PHF14: variants seen among roughly 807,000 people sequenced by gnomAD.
PHF14 encodes the protein PHD finger protein 14.
In PHF14, 55 loss-of-function variants were observed where a neutral mutation model predicts 117.9. That is an observed-to-expected ratio of 0.47 (90% CI 0.38 to 0.58). The LOEUF (loss-of-function observed/expected upper bound fraction) is 0.58. Among genes scored for constraint, PHF14 ranks in the 20% least tolerant of loss-of-function variants. PHF14 has a pLI of 0.00. For synonymous variants in PHF14, 409 were observed against 368.6 expected (o/e 1.11, Z -1.26); for missense variants, 978 against 1,122.2 (o/e 0.87, Z 1.84).
intron 17 of PHF14, among the ~76,000 whole-genome samples, chr7:11,133,643 ACT>A (rs1433647015): frequency 6.6e-6 from 1 of 151,676 alleles, no homozygotes. Flanking sequence ...CTAGCAAGAC[ACT>A]CTTTTTTCAA....
intron 17 of PHF14, among the ~76,000 whole-genome samples, chr7:11,159,632 G>A (rs1788966607): frequency 1.3e-5 from 2 of 151,976 alleles, no homozygotes; most frequent in Non-Finnish European, 1.5e-5. Flanking sequence ...TGGGTATCTT[G>A]GTTATAAGAT....
chr7:11,054,734 C>T (rs1185081796), intron 14 of PHF14, among the ~76,000 whole-genome samples: 1 of 151,932 alleles, frequency 6.6e-6, no homozygotes, highest in African/African-American at 2.4e-5. Flanking sequence ...TTTTTCTCTC[C>T]CATTGTTACA....
At chr7:10,977,661 G>T (rs923252482) in intron 2 of PHF14, among the ~76,000 whole-genome samples, 1 of 152,138 alleles carries the variant, frequency 6.6e-6, no homozygotes, top group Middle Eastern at 3.4e-3. Flanking sequence ...TCTCATTTTT[G>T]ATTGAAAGCA....
In PHF14 at chr7:10,990,789, TAGTG is replaced by T; in HGVS notation, c.990_993del (p.Ser330ArgfsTer6). Reference sequence around the variant, plus strand: ...TTTGCTGTGTTTGTCTGGGAGATAATAGTGAGGACGCTGATGAAATAATTCAGTG... The same window carrying T: ...TTTGCTGTGTTTGTCTGGGAGATAATAGGACGCTGATGAAATAATTCAGTG... On this transcript the variant is annotated frameshift_variant, in exon 4 of 18. Transcript: ENST00000634607. LOFTEE classifies it high-confidence loss of function. 6.3e-7 allele frequency: 1 copy of T among 1,587,014 alleles called. No homozygotes were observed. The highest frequency in any genetic ancestry group is 8.6e-7 in the Non-Finnish European group (1 of 1,164,116).
At chr7:11,016,599 G>A (rs904396195) in intron 5 of PHF14, among the ~76,000 whole-genome samples, 1 of 151,774 alleles carries the variant, frequency 6.6e-6, no homozygotes, top group African/African-American at 2.4e-5. Flanking sequence ...TTTATTTATA[G>A]TTTTACTATT....
At chr7:11,057,671 G>C (rs1389599558) in intron 14 of PHF14, among the ~76,000 whole-genome samples, 1 of 152,116 alleles carries the variant, frequency 6.6e-6, no homozygotes, top group African/African-American at 2.4e-5. Flanking sequence ...ACTGTTCCCG[G>C]CCTGAATAAA....
chr7:11,096,973 CTTTTTT>C (rs899756252), intron 16 of PHF14, among the ~76,000 whole-genome samples: 2 of 108,586 alleles, frequency 1.8e-5, no homozygotes, highest in Admixed American at 9.5e-5. Flanking sequence ...TAGACTAGAA[CTTTTTT>C]TTTTTTTTTT....
intron 17 of PHF14, among the ~76,000 whole-genome samples, chr7:11,131,234 TG>T (rs1788083631): frequency 6.6e-6 from 1 of 151,896 alleles, no homozygotes; most frequent in African/African-American, 2.4e-5. Flanking sequence ...AGAGTGTGTT[TG>T]GCTGCCAAAC....
intron 17 of PHF14, among the ~76,000 whole-genome samples, chr7:11,117,398 C>A (rs926570187): frequency 6.6e-6 from 1 of 151,614 alleles, no homozygotes; most frequent in Non-Finnish European, 1.5e-5. Context: ...TCATCCAAGT[C>A]CTTATAGGAG....
chr7:10,996,083 C>G (rs1250907122), intron 4 of PHF14, among the ~76,000 whole-genome samples: 9 of 152,214 alleles, frequency 5.9e-5, no homozygotes, highest in African/African-American at 2.2e-4. Context: ...CACGCTGTCA[C>G]CTATCATTAT....
chr7:10,995,414 G>C (rs1231221253), intron 4 of PHF14, among the ~76,000 whole-genome samples: 1 of 152,192 alleles, frequency 6.6e-6, no homozygotes, highest in Non-Finnish European at 1.5e-5. Context: ...AGTGCTGATT[G>C]GTGTATTTAC....
intron 4 of PHF14, among the ~76,000 whole-genome samples, chr7:10,992,864 T>G (rs1782511017): frequency 6.6e-6 from 1 of 152,210 alleles, no homozygotes; most frequent in Non-Finnish European, 1.5e-5. Flanking sequence ...GTCTGTTTAG[T>G]CACCTTTAAT....
At chr7:11,143,418 G>T (rs1256217911) in intron 17 of PHF14, among the ~76,000 whole-genome samples, 1 of 151,852 alleles carries the variant, frequency 6.6e-6, no homozygotes, top group Non-Finnish European at 1.5e-5. Context: ...ACCATGCCCA[G>T]CCAATTTTTT....
chr7:11,149,073 T>A (rs887260349), intron 17 of PHF14, among the ~76,000 whole-genome samples: 3 of 152,106 alleles, frequency 2.0e-5, no homozygotes, highest in African/African-American at 7.2e-5. Context: ...AGGGGTCATA[T>A]GCCTTTCACA....
At chr7:11,047,957 G>A (rs1228832834) in intron 13 of PHF14, among the ~76,000 whole-genome samples, 1 of 114,614 alleles carries the variant, frequency 8.7e-6, no homozygotes, top group African/African-American at 3.3e-5. Flanking sequence ...GAGGGAGGGG[G>A]AGGGAGGAAG....
chr7:11,086,525 T>G (rs1359160075), intron 16 of PHF14, among the ~76,000 whole-genome samples: 1 of 152,308 alleles, frequency 6.6e-6, no homozygotes, highest in East Asian at 1.9e-4. Flanking sequence ...AGTGTATGAT[T>G]CTTAGTGTAT....
At chr7:11,015,887 G>A (rs1783518363) in intron 5 of PHF14, among the ~76,000 whole-genome samples, 1 of 149,574 alleles carries the variant, frequency 6.7e-6, no homozygotes, top group South Asian at 2.1e-4. Flanking sequence ...GATAAATTGT[G>A]GTGAATAAGT....
intron 17 of PHF14, among the ~76,000 whole-genome samples, chr7:11,128,374 CTT>C (rs1203468922): frequency 6.6e-6 from 1 of 151,934 alleles, no homozygotes; most frequent in East Asian, 1.9e-4. Context: ...TAAAAAAAGT[CTT>C]TGTTATTTTC....
chr7:11,158,397 T>G (rs1406745029), intron 17 of PHF14, among the ~76,000 whole-genome samples: 6 of 152,162 alleles, frequency 3.9e-5, no homozygotes, highest in African/African-American at 1.4e-4. Flanking sequence ...TCATAGGTGA[T>G]GTCGCTTCTC....
Sources: gnomAD v4.1 joint callset for allele counts (sites outside exome capture counted in the v4.1 genomes callset) on GRCh38, gnomAD v4.1.1 for gene constraint, MANE v1.5 for transcripts, NCBI Gene and HGNC (gene_info 2026-07-23, HGNC 2026-07-21) for gene names.